NSD3: variants seen among roughly 807,000 people sequenced by gnomAD.
NSD3 encodes the protein histone-lysine N-methyltransferase NSD3.
A neutral mutation model predicts 160.8 loss-of-function variants in NSD3; 24 were observed. The ratio of observed to expected loss-of-function variants is 0.15; its 90% CI spans 0.11 to 0.21. NSD3 has a LOEUF of 0.21. Ranked by LOEUF, NSD3 falls within the 10% of genes least tolerant of loss-of-function variation. The probability of loss-of-function intolerance (pLI) is 1.00; values close to 1 mark genes in which losing one functional copy is unlikely to be tolerated. For synonymous variants in NSD3, 520 were observed against 600.0 expected, an observed-to-expected ratio of 0.87 and a Z score of 1.95; for missense variants, 1,157 against 1,735.9, an observed-to-expected ratio of 0.67 and a Z score of 5.93.
intron 1 of NSD3, among the ~76,000 whole-genome samples, chr8:38,357,718 A>G (rs1187666576): frequency 1.3e-5 from 2 of 152,182 alleles, no homozygotes; most frequent in African/African-American, 4.8e-5. Flanking sequence ...TGTTATTCCC[A>G]TATATGCTCT....
intron 12 of NSD3, among the ~76,000 whole-genome samples, chr8:38,313,155 A>T (rs565433276): frequency 6.6e-6 from 1 of 152,266 alleles, no homozygotes; most frequent in South Asian, 2.1e-4. Flanking sequence ...ATTTTAAGTT[A>T]TATGTTCTAA....
chr8:38,348,002 A>C lies in NSD3; in HGVS notation c.170T>G (p.Phe57Cys). 1 of 1,614,182 alleles carries C rather than the reference A, an allele frequency of 6.2e-7. No homozygotes were observed. The highest frequency in any genetic ancestry group is 8.5e-7 in the Non-Finnish European group (1 of 1,180,026). The change falls in exon 2 of 24, where the codon TTT (phenylalanine) becomes TGT (cysteine). Residue 57 changes from phenylalanine (F) to cysteine (C), a missense_variant. Phe to Cys is a radical substitution (Grantham distance 205, BLOSUM62 -2). This residue lies in a region of NSD3 where 121 missense variants were observed against 177.2 expected (regional missense o/e 0.68). Transcript: ENST00000317025. Reference sequence around the variant, plus strand: ...ATCTTCTGTTGTAGCTGGGTACTGAAAGCCTTGCTGCAAAGTAGCTTCATA... The same window carrying C: ...ATCTTCTGTTGTAGCTGGGTACTGACAGCCTTGCTGCAAAGTAGCTTCATA... ...TPYEATLQQG[F>C]QYPATTEDLP...
At chr8:38,346,786 T>C (rs1585909932) in intron 2 of NSD3, among the ~76,000 whole-genome samples, 1 of 152,294 alleles carries the variant, frequency 6.6e-6, no homozygotes, top group Non-Finnish European at 1.5e-5. Flanking sequence ...TATTCAGGTA[T>C]AACACATATA....
At position 38,350,533 on chromosome 8, in the gene NSD3, G is replaced by GT. The variant is rs1010989420; in HGVS notation, c.-44-2319dup. ...CCTTCGCCCACTTTTTGATGGGGTTGTTTTTTTCTTGTAAATATGTTTGAC... is the reference window on the plus strand; with the variant it reads ...CCTTCGCCCACTTTTTGATGGGGTTGTTTTTTTTCTTGTAAATATGTTTGAC... On this transcript the variant is annotated intron_variant, in intron 1 of 23. Coordinates refer to ENST00000317025, the MANE Select transcript of NSD3 (RefSeq NM_023034.2). Among the ~76,000 whole-genome samples the GT allele has an allele frequency of 2.0e-5, 3 of 152,156 alleles. No individual in the cohort carries two copies. The East Asian group carries it at 5.8e-4, about 29-fold the overall frequency.
chr8:38,344,985 T>C (rs528544775), intron 2 of NSD3, among the ~76,000 whole-genome samples: 2 of 152,282 alleles, frequency 1.3e-5, no homozygotes, highest in Admixed American at 6.5e-5. Flanking sequence ...TAAAAATATA[T>C]GCAGTTGTGA....
chr8:38,358,152 T>C (rs1454120037), intron 1 of NSD3, among the ~76,000 whole-genome samples: 2 of 152,150 alleles, frequency 1.3e-5, no homozygotes, highest in Non-Finnish European at 2.9e-5. Flanking sequence ...CAAAATACAA[T>C]TGTCATAGTT....
At chr8:38,294,981 A>G (rs1809098226) in intron 16 of NSD3, among the ~76,000 whole-genome samples, 1 of 151,366 alleles carries the variant, frequency 6.6e-6, no homozygotes, top group Non-Finnish European at 1.5e-5. Context: ...ATCTCTACTA[A>G]AAATACAAAA....
chr8:38,295,143 C>CAA lies in NSD3; in HGVS notation c.2915+651_2915+652dup, dbSNP rs746596031. 3.0e-3 allele frequency among the ~76,000 whole-genome samples: 105 copies of CAA among 34,926 alleles called. 1 individual carries two copies. Among genetic ancestry groups the CAA allele is most frequent in the Non-Finnish European group, 3.1e-3 (56 of 17,944 alleles). 22.9% of individuals were successfully genotyped at this position (34,926 alleles called of 152,430 possible). On this transcript the variant is annotated intron_variant, in intron 16 of 23. Transcript: ENST00000317025. ...TGGACGACAAAGCAACACTCCGTCT[C>CAA]AAAAAAAAAAAAAAAAAAAAGTTTT...
chr8:38,299,642 C>A (rs1809236151), intron 14 of NSD3, 52 bp from the exon 15 acceptor site: 2 of 1,448,264 alleles, frequency 1.4e-6, no homozygotes, highest in Non-Finnish European at 9.1e-7. Context: ...ACCCATGATT[C>A]CATGAGGAAA....
intron 12 of NSD3, among the ~76,000 whole-genome samples, chr8:38,313,210 T>C (rs1039167852): frequency 3.9e-5 from 6 of 151,992 alleles, no homozygotes; most frequent in Non-Finnish European, 5.9e-5. Context: ...TGTGTATTTG[T>C]GTGTGTGTGT....
At position 38,329,434 on chromosome 8, in the gene NSD3, G is replaced by A; in HGVS notation, c.1525C>T (p.Leu509Phe). 1 of 1,614,130 alleles carries A rather than the reference G, an allele frequency of 6.2e-7. No homozygotes were observed. Among genetic ancestry groups the A allele is most frequent in the Non-Finnish European group, 8.5e-7 (1 of 1,179,970 alleles). Residue 509 changes from leucine (L) to phenylalanine (F), a missense_variant, in exon 6 of 24, where the codon CTT becomes TTT. Coordinates refer to ENST00000317025, the MANE Select transcript of NSD3 (RefSeq NM_023034.2). This position sits in a 1 kb window ranked among gnomAD's most constrained non-coding sequence, Gnocchi z 4.8. The part of the protein sequence containing the change: ...PVVKIEQVFA[L>F]QNATGDGKFI... ...TTCCCATCCCCTGTAGCATTCTGAAGAGCAAACACTTGTTCAATTTTCACA... is the reference window on the plus strand; with the variant it reads ...TTCCCATCCCCTGTAGCATTCTGAAAAGCAAACACTTGTTCAATTTTCACA...
chr8:38,315,336 C>A, intron 11 of NSD3, 80 bp downstream of exon 11: 1 of 1,406,956 alleles, frequency 7.1e-7, no homozygotes, highest in Non-Finnish European at 9.4e-7. Flanking sequence ...ACATATTATC[C>A]TCTTCAACAG....
At position 38,316,674 on chromosome 8, in the gene NSD3, A is replaced by G. The variant is rs1563352599; in HGVS notation, c.1856-632T>C. On this transcript the variant is annotated intron_variant, in intron 9 of 23. Transcript: ENST00000317025. The surrounding 1 kb of genome is among the most constrained non-coding windows in gnomAD (Gnocchi z 4.5). Reference sequence around the variant, plus strand: ...ATATGTCATGCCATTTAGAAGGCACATTGCTGAGGGCTGTAAATGGACAAT... The same window carrying G: ...ATATGTCATGCCATTTAGAAGGCACGTTGCTGAGGGCTGTAAATGGACAAT... 2.8e-6 allele frequency: 3 copies of G among 1,054,608 alleles called. No individual in the cohort carries two copies. The highest frequency in any genetic ancestry group is 2.3e-6 in the Non-Finnish European group (2 of 872,622). The allele number at this position is 1,054,608 out of a possible 1,614,324, so 65.3% of individuals were successfully genotyped here.
intron 2 of NSD3, among the ~76,000 whole-genome samples, chr8:38,343,487 A>G (rs1191537894): frequency 6.6e-6 from 1 of 151,916 alleles, no homozygotes; most frequent in Non-Finnish European, 1.5e-5. Context: ...GGATCACCCT[A>G]AGGTCAGGGG....
intron 1 of NSD3, among the ~76,000 whole-genome samples, chr8:38,357,051 G>A (rs1419988662): frequency 7.0e-6 from 1 of 143,416 alleles, no homozygotes; most frequent in African/African-American, 2.6e-5. Flanking sequence ...TCTGGGAGGC[G>A]GAGGTTGCAG....
In NSD3 at chr8:38,293,147, AAAAAAG is replaced by A. The variant is rs1180142176; in HGVS notation, c.2916-2476_2916-2471del. 4.6e-5 allele frequency among the ~76,000 whole-genome samples: 7 copies of A among 151,698 alleles called. No homozygotes were observed. The East Asian group carries it at 1.4e-3, about 30-fold the overall frequency. Reference sequence around the variant, plus strand: ...CAAGACTTTGTCTCAAAAAAAAAAAAAAAAAGAAAAAGAAAAAGAAGTGGGGGGAGG... The same window carrying A: ...CAAGACTTTGTCTCAAAAAAAAAAAAAAAAAGAAAAAGAAGTGGGGGGAGG... On this transcript the variant is annotated intron_variant, in intron 16 of 23. Transcript: ENST00000317025.
At chr8:38,315,656 C>A in intron 10 of NSD3, 112 bp from the exon 11 acceptor site, 1 of 1,413,926 alleles carries the variant, frequency 7.1e-7, no homozygotes, top group Non-Finnish European at 9.5e-7. Context: ...TTGACACAAC[C>A]ACCTTTTTCC....
At chr8:38,296,062 A>G in intron 15 of NSD3, 110 bp from the exon 16 acceptor site, 1 of 1,145,850 alleles carries the variant, frequency 8.7e-7, no homozygotes, top group Non-Finnish European at 1.2e-6. Flanking sequence ...AATTGGGGGA[A>G]AATAACAAAG....
At chr8:38,346,231 ATATG>A (rs1445024292) in intron 2 of NSD3, among the ~76,000 whole-genome samples, 4 of 148,578 alleles carry the variant, frequency 2.7e-5, no homozygotes, top group African/African-American at 7.4e-5. Flanking sequence ...ATGCATATGT[ATATG>A]TGTGTACATA....
Sources: allele counts gnomAD v4.1 joint callset (sites outside exome capture counted in the v4.1 genomes callset), GRCh38; gene constraint gnomAD v4.1.1; regional missense constraint gnomAD v4.1.1; non-coding constraint Gnocchi (gnomAD v3.1); transcripts MANE v1.5; gene names NCBI Gene and HGNC (gene_info 2026-07-23, HGNC 2026-07-21).